Variants in CCNT2 observed in about 807,000 individuals in gnomAD.
The protein encoded by CCNT2 is cyclin T2, also known as cyclin-T2.
In CCNT2, 18 loss-of-function variants were observed where a neutral mutation model predicts 70.0. That is an observed-to-expected ratio of 0.26 (90% CI 0.18 to 0.38). The LOEUF (loss-of-function observed/expected upper bound fraction) is 0.38, where lower values mean the gene tolerates loss of function less well. Among genes scored for constraint, CCNT2 ranks in the 10% least tolerant of loss-of-function variants. CCNT2 has a pLI of 1.00. For synonymous variants in CCNT2, 334 were observed against 313.3 expected, an observed-to-expected ratio of 1.07 and a Z score of -0.70; for missense variants, 734 against 890.2, an observed-to-expected ratio of 0.82 and a Z score of 2.23.
intron 7 of CCNT2, among the ~76,000 whole-genome samples, chr2:134,948,804 TC>T (rs1682204302): frequency 6.7e-6 from 1 of 150,042 alleles, no homozygotes; most frequent in African/African-American, 2.5e-5. Flanking sequence ...AACCTCCACC[TC>T]CCGAGTTCAA....
intron 6 of CCNT2, chr2:134,946,454 T>C: frequency 9.0e-7 from 1 of 1,109,356 alleles, no homozygotes; most frequent in Non-Finnish European, 1.1e-6. Flanking sequence ...ACGTAGAAAT[T>C]CGAGCAACTT....
chr2:134,934,053 T>G lies in CCNT2; in HGVS notation c.241-2788T>G, dbSNP rs970365654. On this transcript the variant is annotated intron_variant, in intron 2 of 8. Coordinates refer to ENST00000264157, the MANE Select transcript of CCNT2 (RefSeq NM_058241.3). ...CGTCTCCATGATTTGTATGATATAT[T>G]TCTATAGAGAAATTCCACAAATATC... Among the ~76,000 whole-genome samples the G allele has an allele frequency of 4.6e-5, 7 of 152,186 alleles. No individual in the cohort carries two copies. The East Asian group carries it at 1.3e-3, about 29-fold the overall frequency.
chr2:134,919,135 G>A (rs528319755), intron 1 of CCNT2, 123 bp downstream of exon 1: 7 of 1,141,792 alleles, frequency 6.1e-6, no homozygotes, highest in African/African-American at 1.6e-5. Context: ...CGCGGTCAGG[G>A]AAGTAATGTT....
intron 5 of CCNT2, chr2:134,944,996 T>C (rs1426608385): frequency 2.0e-6 from 2 of 985,476 alleles, no homozygotes; most frequent in African/African-American, 1.7e-5. Context: ...GTTGGTATTA[T>C]GCTACTTTGC....
intron 2 of CCNT2, among the ~76,000 whole-genome samples, chr2:134,920,841 T>C (rs1270663423): frequency 1.3e-5 from 2 of 152,222 alleles, no homozygotes; most frequent in African/African-American, 4.8e-5. Context: ...ATCCTCAGAA[T>C]ATTATTTTTG....
At chr2:134,948,527 A>T (rs1233562661) in intron 7 of CCNT2, among the ~76,000 whole-genome samples, 1 of 152,106 alleles carries the variant, frequency 6.6e-6, no homozygotes, top group Non-Finnish European at 1.5e-5. Context: ...GTTGCCTTAC[A>T]TTGTTAAATA....
intron 2 of CCNT2, among the ~76,000 whole-genome samples, chr2:134,921,197 C>T (rs1679872717): frequency 2.0e-5 from 3 of 152,094 alleles, no homozygotes; most frequent in Admixed American, 2.0e-4. Context: ...TTTGGCATTC[C>T]TTACGTAACC....
Position 134,954,539 on chromosome 2 carries a change from A to G in CCNT2, c.2084A>G (p.Asn695Ser). Reference protein sequence around the residue: ...VKLDKKPVETNGPDANHEYST... With the variant: ...VKLDKKPVETSGPDANHEYST... Reference sequence around the variant, plus strand: ...CTGGACAAGAAGCCAGTGGAGACCAACGGTCCTGATGCCAATCACGAGTAC... The same window carrying G: ...CTGGACAAGAAGCCAGTGGAGACCAGCGGTCCTGATGCCAATCACGAGTAC... The change falls in exon 9 of 9, where the codon AAC becomes AGC. Residue 695 changes from asparagine (N) to serine (S), a missense_variant. By Grantham distance (46) the Asn-to-Ser change is conservative. Around this residue, in one of 3 missense-constraint regions of CCNT2, gnomAD observed 532 missense variants for 556.9 expected, o/e 0.96. Coordinates refer to ENST00000264157, the MANE Select transcript of CCNT2 (RefSeq NM_058241.3). 1.2e-6 allele frequency: 2 copies of G among 1,614,098 alleles called. No homozygotes were observed. Among genetic ancestry groups the G allele is most frequent in the South Asian group, 1.1e-5 (1 of 91,070 alleles).
chr2:134,943,387 G>A lies in CCNT2; in HGVS notation c.493+713G>A, dbSNP rs116783007. On this transcript the variant is annotated intron_variant, in intron 5 of 8. Coordinates refer to ENST00000264157, the MANE Select transcript of CCNT2 (RefSeq NM_058241.3). ...CTGCACTCTACCTTGGGCAGCAAGA[G>A]TGAGACCCTATCTCAAAAAAAAAAG... is the stretch of plus-strand genomic sequence containing the variant. 2,439 of 957,622 alleles carry A rather than the reference G, an allele frequency of 2.5e-3. 44 individuals are homozygous for A. The African/African-American group carries it at 0.04, about 16-fold the overall frequency. 59.3% of individuals were successfully genotyped at this position (957,622 alleles called of 1,614,324 possible).
At chr2:134,946,517 A>T in intron 6 of CCNT2, 3 of 565,198 alleles carry the variant, frequency 5.3e-6, no homozygotes, top group Non-Finnish European at 4.5e-6. Flanking sequence ...GACAATTTTT[A>T]AAATTTCACG....
intron 2 of CCNT2, among the ~76,000 whole-genome samples, chr2:134,924,661 G>C (rs771554860): frequency 6.6e-6 from 1 of 152,014 alleles, no homozygotes; most frequent in East Asian, 1.9e-4. Context: ...TGTTGGTCTG[G>C]CTGGTCTCAA....
intron 4 of CCNT2, among the ~76,000 whole-genome samples, chr2:134,940,846 C>T (rs1003794278): frequency 6.6e-6 from 1 of 151,878 alleles, no homozygotes; most frequent in East Asian, 1.9e-4. Flanking sequence ...TGTGATGTTA[C>T]AAAAAAAAGT....
chr2:134,931,260 A>ATTTTTTTTTTTTTTTTTTTT (rs1351628226), intron 2 of CCNT2, among the ~76,000 whole-genome samples: 8 of 42,950 alleles, frequency 1.9e-4, no homozygotes, highest in South Asian at 1.3e-3. Context: ...CCATGCCCGG[A>ATTTTTTTTTTTTTTTTTTTT]TCTTTTTTTT....
In CCNT2 at chr2:134,953,557, CA is replaced by C. The variant is rs1281864615; in HGVS notation, c.1103del (p.Gln368ArgfsTer62). On this transcript the variant is annotated frameshift_variant, in exon 9 of 9. Transcript: ENST00000264157. LOFTEE classifies it high-confidence loss of function. ...ARTEQLYSQK[Q>X]ETSLSGSQYN... ...GACAGAACAGCTATATTCACAGAAA[CA>C]GGAGACATCTTTGTCTGGTAGCCAG... The C allele has an allele frequency of 6.2e-7, 1 of 1,614,170 alleles. No homozygotes were observed. Among genetic ancestry groups the C allele is most frequent in the Non-Finnish European group, 8.5e-7 (1 of 1,180,006 alleles).
intron 2 of CCNT2, among the ~76,000 whole-genome samples, chr2:134,928,716 G>T (rs764898036): frequency 6.6e-6 from 1 of 151,820 alleles, no homozygotes; most frequent in African/African-American, 2.4e-5. Context: ...TAAACTGAGG[G>T]TTCATTTAGA....
At chr2:134,944,719 C>T in intron 5 of CCNT2, 3 of 984,190 alleles carry the variant, frequency 3.0e-6, no homozygotes, top group Non-Finnish European at 3.6e-6. Context: ...ATATCTCACT[C>T]CATTTTAAAA....
intron 6 of CCNT2, chr2:134,946,390 A>C (rs1681967289): frequency 8.0e-7 from 1 of 1,253,174 alleles, no homozygotes; most frequent in Non-Finnish European, 1.0e-6. Flanking sequence ...TGAGTGCATA[A>C]GTCTAAAATT....
rs181900808 is a variant in CCNT2, at chr2:134,944,230, A to G, written c.493+1556A>G. On this transcript the variant is annotated intron_variant, in intron 5 of 8. Coordinates refer to ENST00000264157, the MANE Select transcript of CCNT2 (RefSeq NM_058241.3). ...ATGCATAACTAGTTGTAGTTGTTGA[A>G]TTAAGGAAAAAGGGTTAGTTTTTTC... The G allele has an allele frequency of 5.6e-4, 546 of 982,384 alleles. 7 individuals carry two copies. The East Asian group carries it at 0.028, about 51-fold the overall frequency. 60.9% of individuals were successfully genotyped at this position (982,384 alleles called of 1,614,324 possible).
At chr2:134,921,212 A>G (rs1679874358) in intron 2 of CCNT2, among the ~76,000 whole-genome samples, 1 of 152,212 alleles carries the variant, frequency 6.6e-6, no homozygotes, top group Admixed American at 6.5e-5. Context: ...GTAACCCTGG[A>G]TAATAATGGT....
Sources: gnomAD v4.1 joint callset for allele counts (sites outside exome capture counted in the v4.1 genomes callset) on GRCh38, gnomAD v4.1.1 for gene constraint, gnomAD v4.1.1 regional missense constraint, MANE v1.5 for transcripts, NCBI Gene and HGNC (gene_info 2026-07-23, HGNC 2026-07-21) for gene names.